GREB1L: variants seen among roughly 807,000 people sequenced by gnomAD.
GREB1L encodes the protein GREB1-like protein.
In GREB1L, 17 loss-of-function variants were observed where a neutral mutation model predicts 200.8. That is an observed-to-expected ratio of 0.08 (90% CI 0.06 to 0.13). The LOEUF is 0.13. GREB1L is among the 10% of genes least tolerant of loss of function. The pLI, the probability that GREB1L is intolerant of heterozygous loss-of-function variation, is 1.00. For synonymous variants in GREB1L, 789 were observed against 893.0 expected (o/e 0.88, Z 2.08); for missense variants, 1,657 against 2,367.7 (o/e 0.70, Z 6.23).
chr18:21,333,089 C>T (rs1004722243), intron 1 of GREB1L, among the ~76,000 whole-genome samples: 3 of 151,930 alleles, frequency 2.0e-5, no homozygotes, highest in Non-Finnish European at 4.4e-5. Context: ...TTAATACACA[C>T]ACACGCGCGC....
At chr18:21,340,710 T>C (rs1208509531) in intron 1 of GREB1L, among the ~76,000 whole-genome samples, 1 of 151,478 alleles carries the variant, frequency 6.6e-6, no homozygotes, top group Non-Finnish European at 1.5e-5. Flanking sequence ...GCCTGGCTAA[T>C]TTTTTTGTAT....
At chr18:21,472,726 T>C (rs1444185288) in intron 15 of GREB1L, among the ~76,000 whole-genome samples, 1 of 152,234 alleles carries the variant, frequency 6.6e-6, no homozygotes, top group Non-Finnish European at 1.5e-5. Context: ...CAGCATGTTA[T>C]ATACAAATAG....
chr18:21,332,624 A>G (rs1166411786), intron 1 of GREB1L, among the ~76,000 whole-genome samples: 3 of 152,078 alleles, frequency 2.0e-5, no homozygotes, highest in African/African-American at 7.2e-5. Flanking sequence ...ACAGGTGCCT[A>G]TCACCATGCC....
At chr18:21,489,153 A>G (rs2036235985) in intron 18 of GREB1L, among the ~76,000 whole-genome samples, 1 of 151,944 alleles carries the variant, frequency 6.6e-6, no homozygotes, top group Non-Finnish European at 1.5e-5. Context: ...TTTGTTTTCT[A>G]CCTCCTATAA....
chr18:21,454,368 T>C lies in GREB1L; in HGVS notation c.1987T>C (p.Leu663=). 6.5e-7 allele frequency: 1 copy of C among 1,547,854 alleles called. No homozygotes were observed. The highest frequency in any genetic ancestry group is 8.7e-7 in the Non-Finnish European group (1 of 1,143,948). Residue 663 remains leucine, a splice_region_variant and synonymous_variant, in exon 15 of 33, where the codon TTA becomes CTA. Coordinates refer to ENST00000424526, the MANE Select transcript of GREB1L (RefSeq NM_001142966.3). The part of the protein sequence containing the change: ...AAMIPTQNLD[L]DNETFHIYQP... Reference sequence around the variant, plus strand: ...TATGACTTCTCTTTAAATTTTAGATTTAGATAATGAAACCTTCCACATTTA... The same window carrying C: ...TATGACTTCTCTTTAAATTTTAGATCTAGATAATGAAACCTTCCACATTTA...
At chr18:21,365,008 ATG>A (rs2039643882) in intron 1 of GREB1L, among the ~76,000 whole-genome samples, 1 of 152,140 alleles carries the variant, frequency 6.6e-6, no homozygotes, top group African/African-American at 2.4e-5. Context: ...GGTGGGATAT[ATG>A]TGAGTTTGAA....
At chr18:21,515,245 A>G (rs2037376760) in intron 28 of GREB1L, among the ~76,000 whole-genome samples, 172 bp from the exon 29 acceptor site, 1 of 152,196 alleles carries the variant, frequency 6.6e-6, no homozygotes, top group Non-Finnish European at 1.5e-5. Flanking sequence ...TATAATAGTG[A>G]CAGGCAGTGT....
intron 7 of GREB1L, among the ~76,000 whole-genome samples, chr18:21,413,639 A>G (rs2031316931): frequency 6.6e-6 from 1 of 152,182 alleles, no homozygotes; most frequent in Middle Eastern, 3.2e-3. Flanking sequence ...GCATTCCCAG[A>G]GCCTAACATA....
chr18:21,498,296 A>G (rs1366010007), intron 21 of GREB1L, among the ~76,000 whole-genome samples: 4 of 152,060 alleles, frequency 2.6e-5, no homozygotes, highest in African/African-American at 9.7e-5. Context: ...TTTGCTGTTG[A>G]TAGTGACCCT....
intron 15 of GREB1L, among the ~76,000 whole-genome samples, chr18:21,467,351 C>T (rs114653118): frequency 0.011 from 1,665 of 152,262 alleles, 26 homozygotes; most frequent in African/African-American, 0.034. Context: ...TTATCTGATA[C>T]AGGACTATAT....
chr18:21,258,788 CA>C (rs2037842648), intron 1 of GREB1L, among the ~76,000 whole-genome samples: 1 of 152,116 alleles, frequency 6.6e-6, no homozygotes, highest in African/African-American at 2.4e-5. Flanking sequence ...AATTGATCAT[CA>C]AATTTACTTA....
At chr18:21,334,126 A>T (rs1362649162) in intron 1 of GREB1L, among the ~76,000 whole-genome samples, 1 of 152,218 alleles carries the variant, frequency 6.6e-6, no homozygotes, top group African/African-American at 2.4e-5. Context: ...ACATTCCTCA[A>T]GACAAAATCA....
intron 1 of GREB1L, among the ~76,000 whole-genome samples, chr18:21,271,889 G>A (rs532299041): frequency 8.5e-4 from 130 of 152,236 alleles, no homozygotes; most frequent in African/African-American, 2.9e-3. Flanking sequence ...GGCTAAAAGC[G>A]TGGGGAACAG....
chr18:21,275,879 G>T (rs923578145), intron 1 of GREB1L, among the ~76,000 whole-genome samples: 1 of 152,146 alleles, frequency 6.6e-6, no homozygotes, highest in African/African-American at 2.4e-5. Flanking sequence ...TGACGGAGTT[G>T]AATGTGACGT....
At chr18:21,357,212 G>A (rs1024080264) in intron 1 of GREB1L, among the ~76,000 whole-genome samples, 1 of 152,030 alleles carries the variant, frequency 6.6e-6, no homozygotes, top group Admixed American at 6.6e-5. Flanking sequence ...ATACCACGAC[G>A]TCTGGTTATT....
At chr18:21,465,820 A>G (rs1297336373) in intron 15 of GREB1L, among the ~76,000 whole-genome samples, 2 of 152,134 alleles carry the variant, frequency 1.3e-5, no homozygotes, top group Non-Finnish European at 2.9e-5. Context: ...TAAAAATCAC[A>G]ATGGAATGAG....
intron 1 of GREB1L, among the ~76,000 whole-genome samples, chr18:21,357,714 T>C (rs986126179): frequency 6.6e-6 from 1 of 152,356 alleles, no homozygotes; most frequent in Admixed American, 6.5e-5. Context: ...GCATCAGTTA[T>C]TGAAGAGACT....
intron 2 of GREB1L, among the ~76,000 whole-genome samples, chr18:21,375,205 T>TG (rs2040023838): frequency 6.6e-6 from 1 of 151,714 alleles, no homozygotes; most frequent in African/African-American, 2.4e-5. Flanking sequence ...GCTGGGACTA[T>TG]AGGCACGCAC....
chr18:21,429,570 T>C (rs193248953), intron 7 of GREB1L, among the ~76,000 whole-genome samples: 100 of 152,130 alleles, frequency 6.6e-4, no homozygotes, highest in African/African-American at 2.3e-3. Context: ...TGCTCCTCCT[T>C]CTACTTTTTG....
Sources: allele counts gnomAD v4.1 joint callset (sites outside exome capture counted in the v4.1 genomes callset), GRCh38; gene constraint gnomAD v4.1.1; transcripts MANE v1.5; gene names NCBI Gene and HGNC (gene_info 2026-07-23, HGNC 2026-07-21).